DOCK2: variants seen among roughly 807,000 people sequenced by gnomAD.
The protein encoded by DOCK2 is dedicator of cytokinesis 2, also known as dedicator of cytokinesis protein 2.
DOCK2 carries 87 observed loss-of-function variants against 248.9 expected under a neutral mutation model. The ratio of observed to expected loss-of-function variants is 0.35; its 90% CI spans 0.29 to 0.42. The LOEUF is 0.42. Ranked by LOEUF, DOCK2 falls within the 10% of genes least tolerant of loss-of-function variation. DOCK2 has a pLI of 1.00. For synonymous variants in DOCK2, 805 were observed against 821.6 expected (o/e 0.98, Z 0.35); for missense variants, 1,747 against 2,300.2 (o/e 0.76, Z 4.92).
At position 169,717,410 on chromosome 5, in the gene DOCK2, C is replaced by T; in HGVS notation, c.2058C>T (p.Asp686=). ...TTTACATAATAGGACTCATTGCAGA[C>T]CGGAAATTTCAGCATTTCAACACCG... ...ALIYIIGLIA[D]RKFQHFNTVL... The change falls in exon 21 of 52, where the codon GAC becomes GAT. Residue 686 remains aspartate (D), a synonymous_variant. Coordinates refer to ENST00000520908, the MANE Select transcript of DOCK2 (RefSeq NM_004946.3). 6.2e-7 allele frequency: 1 copy of T among 1,613,840 alleles called. No homozygotes were observed. Among genetic ancestry groups the T allele is most frequent in the Non-Finnish European group, 8.5e-7 (1 of 1,179,798 alleles).
Position 169,702,400 on chromosome 5 carries a change from G to T in DOCK2, c.1356G>T (p.Val452=), listed in dbSNP as rs1581061089. ...TQRNVEVIMC[V]CAEDGKTLPN... is the part of the protein sequence containing the mutation. Reference sequence around the variant, plus strand: ...GGAATGTGGAAGTCATCATGTGTGTGTGCGCGGAGGATGGCAAAACGCTGC... The same window carrying T: ...GGAATGTGGAAGTCATCATGTGTGTTTGCGCGGAGGATGGCAAAACGCTGC... The change falls in exon 14 of 52, where the codon GTG becomes GTT. Residue 452 remains valine (V), a synonymous_variant. Coordinates refer to ENST00000520908, the MANE Select transcript of DOCK2 (RefSeq NM_004946.3). The T allele has an allele frequency of 2.5e-6, 4 of 1,613,948 alleles. No individual in the cohort carries two copies. Among genetic ancestry groups the T allele is most frequent in the Non-Finnish European group, 3.4e-6 (4 of 1,179,862 alleles).
chr5:169,914,423 C>T (rs149867058), intron 27 of DOCK2, among the ~76,000 whole-genome samples: 10 of 152,280 alleles, frequency 6.6e-5, no homozygotes, highest in South Asian at 4.1e-4. Flanking sequence ...GGGGAATATC[C>T]GTGAACCAGA....
chr5:169,957,336 A>T (rs1776911107), intron 27 of DOCK2, among the ~76,000 whole-genome samples: 1 of 152,224 alleles, frequency 6.6e-6, no homozygotes, highest in Non-Finnish European at 1.5e-5. Flanking sequence ...ACTTTGTAGG[A>T]TTGTCATCAG....
At chr5:169,941,289 C>A (rs529641191) in intron 27 of DOCK2, among the ~76,000 whole-genome samples, 25 of 152,292 alleles carry the variant, frequency 1.6e-4, no homozygotes, top group African/African-American at 6.0e-4. Flanking sequence ...CTCACTACAA[C>A]CTCTGCCTCC....
chr5:170,062,017 G>C (rs1420417214), intron 44 of DOCK2, among the ~76,000 whole-genome samples: 1 of 152,180 alleles, frequency 6.6e-6, no homozygotes, highest in Non-Finnish European at 1.5e-5. Context: ...GTGCATGCAT[G>C]TGCAGTTGTA....
At chr5:169,954,504 C>T (rs1293420552) in intron 27 of DOCK2, among the ~76,000 whole-genome samples, 2 of 152,198 alleles carry the variant, frequency 1.3e-5, no homozygotes, top group African/African-American at 4.8e-5. Flanking sequence ...AGAAAGACCT[C>T]TTGGCCACCC....
intron 46 of DOCK2, among the ~76,000 whole-genome samples, chr5:170,070,594 T>A (rs1263805293): frequency 2.0e-5 from 3 of 152,150 alleles, no homozygotes; most frequent in Non-Finnish European, 4.4e-5. Flanking sequence ...TGTTCTCCCT[T>A]AGCATCCCCA....
intron 27 of DOCK2, among the ~76,000 whole-genome samples, chr5:169,865,388 A>G (rs575136096): frequency 5.8e-4 from 88 of 152,236 alleles, no homozygotes; most frequent in Non-Finnish European, 1.1e-3. Flanking sequence ...TGACCTCTGC[A>G]TGTCTGGAAG....
intron 22 of DOCK2, among the ~76,000 whole-genome samples, chr5:169,723,965 T>C (rs1762339556): frequency 6.6e-6 from 1 of 152,192 alleles, no homozygotes; most frequent in Non-Finnish European, 1.5e-5. Flanking sequence ...GGACACCATT[T>C]CTAGCCCCCT....
At chr5:169,767,880 T>A (rs541750434) in intron 25 of DOCK2, among the ~76,000 whole-genome samples, 2 of 152,344 alleles carry the variant, frequency 1.3e-5, no homozygotes, top group African/African-American at 4.8e-5. Context: ...TCCAGTGAGA[T>A]CAAATATTAC....
chr5:169,681,165 C>T (rs575372009), intron 6 of DOCK2, among the ~76,000 whole-genome samples: 5 of 138,116 alleles, frequency 3.6e-5, no homozygotes, highest in East Asian at 2.1e-4. Flanking sequence ...GCTCTGTCAC[C>T]GAGGCTGGAG....
At chr5:169,835,181 G>T (rs1004840124) in intron 26 of DOCK2, among the ~76,000 whole-genome samples, 4 of 151,402 alleles carry the variant, frequency 2.6e-5, no homozygotes, top group Non-Finnish European at 4.4e-5. Context: ...AAATTATACC[G>T]TAAGTGTATG....
chr5:169,883,739 C>G, intron 27 of DOCK2: 1 of 1,551,612 alleles, frequency 6.4e-7, no homozygotes, highest in Non-Finnish European at 8.7e-7. Context: ...TGGACGTCAA[C>G]CTCAGCTAGG....
At chr5:169,960,672 C>G (rs1777047516) in intron 27 of DOCK2, among the ~76,000 whole-genome samples, 1 of 152,178 alleles carries the variant, frequency 6.6e-6, no homozygotes, top group South Asian at 2.1e-4. Flanking sequence ...ATTCGGGTCT[C>G]TATATTGTTG....
intron 25 of DOCK2, among the ~76,000 whole-genome samples, chr5:169,784,293 G>A (rs914946836): frequency 2.0e-5 from 3 of 152,174 alleles, no homozygotes; most frequent in Admixed American, 6.5e-5. Flanking sequence ...TTTTGAACAT[G>A]TTTAATGATT....
intron 26 of DOCK2, among the ~76,000 whole-genome samples, chr5:169,826,047 T>C (rs979176287): frequency 1.7e-4 from 26 of 151,910 alleles, no homozygotes; most frequent in African/African-American, 6.1e-4. Flanking sequence ...TGTAAAGTAG[T>C]TTAGACAATG....
intron 27 of DOCK2, among the ~76,000 whole-genome samples, chr5:169,900,867 A>G (rs1773883297): frequency 6.6e-6 from 1 of 152,192 alleles, no homozygotes; most frequent in Non-Finnish European, 1.5e-5. Context: ...AAGTAAAGTG[A>G]TAAAACCCAG....
chr5:169,994,294 A>G (rs1778280674), intron 29 of DOCK2, among the ~76,000 whole-genome samples: 1 of 152,216 alleles, frequency 6.6e-6, no homozygotes, highest in Admixed American at 6.5e-5. Flanking sequence ...TGTGATTCCC[A>G]GAAGAGTAGA....
At chr5:169,789,451 A>G (rs901259600) in intron 25 of DOCK2, among the ~76,000 whole-genome samples, 1 of 152,230 alleles carries the variant, frequency 6.6e-6, no homozygotes, top group Admixed American at 6.5e-5. Flanking sequence ...TACTGCTCCC[A>G]TCAATTGACT....
Sources: gnomAD v4.1 joint callset for allele counts (sites outside exome capture counted in the v4.1 genomes callset) on GRCh38, gnomAD v4.1.1 for gene constraint, MANE v1.5 for transcripts, NCBI Gene and HGNC (gene_info 2026-07-23, HGNC 2026-07-21) for gene names.